The following CWC15 variants were observed in gnomAD, a reference collection of about 807,000 sequenced individuals.
CWC15 encodes the protein CWC15 spliceosome associated protein, also known as spliceosome-associated protein CWC15 homolog.
In CWC15, 12 loss-of-function variants were observed where a neutral mutation model predicts 28.4. The ratio of observed to expected loss-of-function variants is 0.42; its 90% CI spans 0.27 to 0.69. The LOEUF (loss-of-function observed/expected upper bound fraction) is 0.69, where lower values mean the gene tolerates loss of function less well. Ranked by LOEUF, CWC15 falls within the 30% of genes least tolerant of loss-of-function variation. The probability of loss-of-function intolerance (pLI) is 0.23; values close to 1 mark genes in which losing one functional copy is unlikely to be tolerated. For synonymous variants in CWC15, 92 were observed against 88.4 expected, an observed-to-expected ratio of 1.04 and a Z score of -0.23; for missense variants, 192 against 271.5, an observed-to-expected ratio of 0.71 and a Z score of 2.06.
At chr11:94,968,302 T>C (rs1375783457) in intron 5 of CWC15, among the ~76,000 whole-genome samples, 1 of 152,164 alleles carries the variant, frequency 6.6e-6, no homozygotes, top group Non-Finnish European at 1.5e-5. Flanking sequence ...TGACAAGGGC[T>C]AAATGGTTTG....
In CWC15 at chr11:94,963,521, A is replaced by G. The variant is rs1485790763; in HGVS notation, c.561-7T>C. 13 of 1,550,608 alleles carry G rather than the reference A, an allele frequency of 8.4e-6. No homozygotes were observed. Among genetic ancestry groups the G allele is most frequent in the Middle Eastern group, 3.4e-4 (2 of 5,928 alleles). ...GACAACGTCATCATCCCACCTGAGGAAAAAAAAGCAAACAGAACGTCTGAA... is the reference window on the plus strand; with the variant it reads ...GACAACGTCATCATCCCACCTGAGGGAAAAAAAGCAAACAGAACGTCTGAA... On this transcript the variant is annotated splice_polypyrimidine_tract_variant and splice_region_variant and intron_variant, in intron 6 of 6. Transcript: ENST00000279839.
At chr11:94,973,301 C>A (rs2276352) in intron 1 of CWC15, 197 bp downstream of exon 1, 6 of 25,186 alleles carry the variant, frequency 2.4e-4, no homozygotes, top group African/African-American at 7.7e-4. Context: ...AGTAGGCGAG[C>A]TGCCTGTACG....
In CWC15 at chr11:94,970,116, C is replaced by T; in HGVS notation, c.334-20G>A. ...TTCCTCCTAAAAGAACAGTGAGAGC[C>T]CAGAAGATTGGAGGGAAAATACACA... On this transcript the variant is annotated intron_variant, in intron 4 of 6. Transcript: ENST00000279839. The T allele has an allele frequency of 7.7e-7, 1 of 1,292,584 alleles. No homozygotes were observed. The highest frequency in any genetic ancestry group is 2.2e-5 in the Admixed American group (1 of 45,916). The allele number at this position is 1,292,584 out of a possible 1,614,324, so 80.1% of individuals were successfully genotyped here.
intron 1 of CWC15, 65 bp from the exon 2 acceptor site, chr11:94,972,258 T>C: frequency 7.0e-7 from 1 of 1,434,070 alleles, no homozygotes; most frequent in Non-Finnish European, 9.6e-7. Flanking sequence ...AGAGTATTAA[T>C]CAATATCCAT....
chr11:94,970,594 T>C (rs1268740065), intron 4 of CWC15: 1 of 204,030 alleles, frequency 4.9e-6, no homozygotes, highest in Admixed American at 5.3e-5. Flanking sequence ...AGGGGACATA[T>C]CTAATATGGA....
chr11:94,962,810 A>AT lies in CWC15; in HGVS notation c.*574_*575insA, dbSNP rs1249701176. On this transcript the variant is annotated 3_prime_UTR_variant, in exon 7 of 7. Coordinates refer to ENST00000279839, the MANE Select transcript of CWC15 (RefSeq NM_016403.4). ...TCCTCTTCGGCCATGAGAAAAAAAA[A>AT]CAAGTACCTGCAGAAGTGAGCGATA... 1 of 152,234 alleles carries AT rather than the reference A, an allele frequency of 6.6e-6. No homozygotes were observed. Among genetic ancestry groups the AT allele is most frequent in the Non-Finnish European group, 1.5e-5 (1 of 68,078 alleles). The allele number at this position is 152,234 out of a possible 1,614,324, so 9.4% of individuals were successfully genotyped here.
rs1401407183 is a variant in CWC15, at chr11:94,973,498, A to G, written c.-9T>C. 6.6e-6 allele frequency: 1 copy of G among 152,434 alleles called. No individual in the cohort carries two copies. The highest frequency in any genetic ancestry group is 6.5e-5 in the Admixed American group (1 of 15,284). 9.4% of individuals were successfully genotyped at this position (152,434 alleles called of 1,614,324 possible). ...AATCTCCTATCCTCTTGCCGCTCACACTGGCCGAGGTCCGATGCAGCAGGC... is the reference window on the plus strand; with the variant it reads ...AATCTCCTATCCTCTTGCCGCTCACGCTGGCCGAGGTCCGATGCAGCAGGC... On this transcript the variant is annotated splice_region_variant and 5_prime_UTR_variant, in exon 1 of 7. Coordinates refer to ENST00000279839, the MANE Select transcript of CWC15 (RefSeq NM_016403.4).
At chr11:94,968,039 CTCTT>C (rs2134100827) in intron 5 of CWC15, among the ~76,000 whole-genome samples, 2 of 152,298 alleles carry the variant, frequency 1.3e-5, no homozygotes, top group Admixed American at 1.3e-4. Flanking sequence ...AAGGCATAAA[CTCTT>C]TCTATATTCA....
intron 4 of CWC15, 175 bp from the exon 5 acceptor site, chr11:94,970,271 G>T (rs1555095978): frequency 2.5e-6 from 1 of 407,676 alleles, no homozygotes; most frequent in Non-Finnish European, 4.3e-6. Flanking sequence ...TAAATTCTCA[G>T]AAGAAAATAA....
At chr11:94,971,928 C>G (rs113301038) in intron 2 of CWC15, 127 bp downstream of exon 2, 2 of 877,878 alleles carry the variant, frequency 2.3e-6, no homozygotes, top group Non-Finnish European at 3.5e-6. Context: ...TGTTAAACAT[C>G]CTATTGCATT....
chr11:94,967,315 C>T (rs1054418558), intron 5 of CWC15, among the ~76,000 whole-genome samples: 1 of 152,158 alleles, frequency 6.6e-6, no homozygotes, highest in Non-Finnish European at 1.5e-5. Flanking sequence ...CGTGAGCCAC[C>T]GTGCCCGGCC....
chr11:94,970,761 G>T, intron 4 of CWC15: 1 of 539,264 alleles, frequency 1.9e-6, no homozygotes, highest in Non-Finnish European at 3.3e-6. Context: ...TTCCATATTT[G>T]GTTCTCTAGA....
intron 4 of CWC15, 49 bp downstream of exon 4, chr11:94,970,928 T>A (rs4753645): frequency 1 from 1,434,085 of 1,437,034 alleles, 715,615 homozygotes; most frequent in East Asian, 1. Context: ...TATTTTAGAA[T>A]AGCATGGTAA....
chr11:94,963,274 T>C lies in CWC15; in HGVS notation c.*111A>G. The C allele has an allele frequency of 1.2e-6, 1 of 803,544 alleles. No individual in the cohort carries two copies. Among genetic ancestry groups the C allele is most frequent in the South Asian group, 2.6e-5 (1 of 37,750 alleles). 49.8% of individuals were successfully genotyped at this position (803,544 alleles called of 1,614,324 possible). On this transcript the variant is annotated 3_prime_UTR_variant, in exon 7 of 7. Coordinates refer to ENST00000279839, the MANE Select transcript of CWC15 (RefSeq NM_016403.4). Reference sequence around the variant, plus strand: ...AAAGAAAAAGATAGGAGTTTAAAACTGGGGAAGCCCACACACAATTTAGAC... The same window carrying C: ...AAAGAAAAAGATAGGAGTTTAAAACCGGGGAAGCCCACACACAATTTAGAC...
rs1857591412 is a variant in CWC15, at chr11:94,963,155, T to C, written c.*230A>G. 3.2e-6 allele frequency: 1 copy of C among 316,586 alleles called. No individual in the cohort carries two copies. Among genetic ancestry groups the C allele is most frequent in the Non-Finnish European group, 5.7e-6 (1 of 175,278 alleles). The allele number at this position is 316,586 out of a possible 1,614,324, so 19.6% of individuals were successfully genotyped here. A position where few individuals can be genotyped will look rare whatever the true frequency, so the allele number is the denominator to read the frequency against. ...TAAAAATATTTATTACAGGCAGATT[T>C]GCTTTTCCCAGGAAAACATATCACT... is the stretch of plus-strand genomic sequence containing the variant. On this transcript the variant is annotated 3_prime_UTR_variant, in exon 7 of 7. Transcript: ENST00000279839.
intron 6 of CWC15, among the ~76,000 whole-genome samples, chr11:94,964,304 C>T (rs923193271): frequency 6.6e-5 from 10 of 151,998 alleles, no homozygotes; most frequent in Admixed American, 2.0e-4. Flanking sequence ...TGCGCTTACA[C>T]GTCAGGAGAA....
At chr11:94,971,525 AACACAC>A (rs3831469) in intron 2 of CWC15, 38 bp from the exon 3 acceptor site, 45 of 781,324 alleles carry the variant, frequency 5.8e-5, no homozygotes, top group Non-Finnish European at 8.8e-5. Flanking sequence ...ATGTTACTTA[AACACAC>A]ACACACACAC....
chr11:94,970,785 C>T (rs886274590), intron 4 of CWC15, 192 bp downstream of exon 4: 2 of 575,136 alleles, frequency 3.5e-6, no homozygotes, highest in Middle Eastern at 4.6e-4. Flanking sequence ...CAAACTTGTT[C>T]TTAAAGTCCC....
intron 1 of CWC15, 102 bp from the exon 2 acceptor site, chr11:94,972,295 T>A: frequency 2.6e-6 from 3 of 1,158,312 alleles, no homozygotes; most frequent in Non-Finnish European, 3.6e-6. Flanking sequence ...CTAAAACTCA[T>A]TCCCCAAAAC....
Sources: allele counts gnomAD v4.1 joint callset (sites outside exome capture counted in the v4.1 genomes callset), GRCh38; gene constraint gnomAD v4.1.1; transcripts MANE v1.5; gene names NCBI Gene and HGNC (gene_info 2026-07-23, HGNC 2026-07-21).